The following CDS2 variants were observed in gnomAD, a reference collection of about 807,000 sequenced individuals.
CDS2 encodes the protein CDP-diacylglycerol synthase 2.
CDS2 carries 47 observed loss-of-function variants against 59.0 expected under a neutral mutation model. The ratio of observed to expected loss-of-function variants is 0.80; its 90% CI spans 0.63 to 1.02. The LOEUF is 1.02. Among genes scored for constraint, CDS2 ranks in the 50% least tolerant of loss-of-function variants. The pLI, the probability that CDS2 is intolerant of heterozygous loss-of-function variation, is 0.00. For missense variants in CDS2, 356 were observed against 558.9 expected (o/e 0.64, Z 3.66); for synonymous variants, 207 against 206.4 (o/e 1.00, Z -0.02).
chr20:5,130,295 T>G (rs2090593935), intron 1 of CDS2, among the ~76,000 whole-genome samples: 1 of 152,134 alleles, frequency 6.6e-6, no homozygotes, highest in African/African-American at 2.4e-5. Context: ...TTTTAAAAAA[T>G]CCTGATTTAT....
intron 1 of CDS2, among the ~76,000 whole-genome samples, chr20:5,145,471 T>C (rs959556209): frequency 2.0e-5 from 3 of 152,176 alleles, no homozygotes; most frequent in Non-Finnish European, 4.4e-5. Context: ...TTACAATCCC[T>C]AGTTCTTGCT....
chr20:5,153,272 A>G (rs1290332762), intron 1 of CDS2, among the ~76,000 whole-genome samples: 3 of 152,176 alleles, frequency 2.0e-5, no homozygotes, highest in African/African-American at 7.2e-5. Context: ...ACTTTTTATT[A>G]AAGTATAACA....
chr20:5,176,543 T>C, intron 3 of CDS2, 105 bp from the exon 4 acceptor site: 1 of 858,222 alleles, frequency 1.2e-6, no homozygotes, highest in South Asian at 1.4e-5. Context: ...AGGCCCGATA[T>C]TTTTCTTAAG....
intron 1 of CDS2, among the ~76,000 whole-genome samples, chr20:5,143,621 T>G (rs1402255277): frequency 1.3e-5 from 2 of 149,364 alleles, no homozygotes; most frequent in African/African-American, 5.0e-5. Flanking sequence ...TTTCTTCTTC[T>G]TCTTCTTCTT....
intron 1 of CDS2, among the ~76,000 whole-genome samples, chr20:5,155,749 A>G (rs2090828805): frequency 6.6e-6 from 1 of 152,212 alleles, no homozygotes; most frequent in Admixed American, 6.5e-5. Context: ...TAATATTCAC[A>G]GTTTCCAGGG....
intron 1 of CDS2, among the ~76,000 whole-genome samples, chr20:5,139,055 A>G (rs897400145): frequency 4.6e-5 from 7 of 152,224 alleles, no homozygotes; most frequent in African/African-American, 1.7e-4. Flanking sequence ...AAAAACAGAC[A>G]CACAGGCTGG....
chr20:5,134,827 A>G (rs903368803), intron 1 of CDS2, among the ~76,000 whole-genome samples: 1 of 152,176 alleles, frequency 6.6e-6, no homozygotes, highest in African/African-American at 2.4e-5. Flanking sequence ...AGCCGACTGC[A>G]TATTTAAATT....
At chr20:5,179,358 C>T (rs2091016959) in intron 5 of CDS2, among the ~76,000 whole-genome samples, 1 of 152,200 alleles carries the variant, frequency 6.6e-6, no homozygotes, top group South Asian at 2.1e-4. Flanking sequence ...CCGAGTTTAA[C>T]TTATCCGCCT....
At position 5,196,485 on chromosome 20, in the gene CDS2, A is replaced by C. The variant is rs1472108606; in HGVS notation, c.*6251A>C. On this transcript the variant is annotated 3_prime_UTR_variant, in exon 13 of 13. Transcript: ENST00000460006. The stretch of plus-strand genomic sequence containing the variant: ...GCAGCCCCCAGAGGACCTTGCCTGC[A>C]TAAAGCACTCAGAAGGGTTAGCCAC... The C allele has an allele frequency of 6.6e-6, 1 of 152,254 alleles. No homozygotes were observed. Among genetic ancestry groups the C allele is most frequent in the East Asian group, 1.9e-4 (1 of 5,188 alleles). The allele number at this position is 152,254 out of a possible 1,614,324, so 9.4% of individuals were successfully genotyped here.
Position 5,195,182 on chromosome 20 carries a change from C to T in CDS2, c.*4948C>T, listed in dbSNP as rs1490749430. 6.6e-6 allele frequency: 1 copy of T among 152,150 alleles called. No homozygotes were observed. The highest frequency in any genetic ancestry group is 2.4e-5 in the African/African-American group (1 of 41,390). 9.4% of individuals were successfully genotyped at this position (152,150 alleles called of 1,614,324 possible). ...TAAGCATTTAGTACCATGCCTGGCACATAGTAAGCACTCAATAAATGGTAG... is the reference window on the plus strand; with the variant it reads ...TAAGCATTTAGTACCATGCCTGGCATATAGTAAGCACTCAATAAATGGTAG... On this transcript the variant is annotated 3_prime_UTR_variant, in exon 13 of 13. Coordinates refer to ENST00000460006, the MANE Select transcript of CDS2 (RefSeq NM_003818.4).
chr20:5,169,683 AAAG>A (rs2090940706), intron 1 of CDS2, among the ~76,000 whole-genome samples: 1 of 152,210 alleles, frequency 6.6e-6, no homozygotes, highest in African/African-American at 2.4e-5. Flanking sequence ...ATGGGAAAGA[AAAG>A]AAGAATGAGG....
chr20:5,160,977 T>C (rs2090872609), intron 1 of CDS2, among the ~76,000 whole-genome samples: 1 of 152,242 alleles, frequency 6.6e-6, no homozygotes, highest in African/African-American at 2.4e-5. Flanking sequence ...TTGCTTCTAC[T>C]TTTTTGTTTA....
rs777342920 is a variant in CDS2 at position 5,189,814 on chromosome 20, A to T, written c.1181A>T (p.Asn394Ile). 1 of 1,613,964 alleles carries T rather than the reference A, an allele frequency of 6.2e-7. No homozygotes were observed. Among genetic ancestry groups the T allele is most frequent in the South Asian group, 1.1e-5 (1 of 91,076 alleles). ...CAGTATCTGATGGCCACCTTTGTCA[A>T]TGTATACATCGCCAGTTTTATCAGG... ...DCQYLMATFV[N>I]VYIASFIRGP... Residue 394 changes from asparagine (N) to isoleucine (I), a missense_variant, in exon 12 of 13, where the codon AAT becomes ATT. Asn to Ile is a moderately radical substitution (Grantham distance 149). Transcript: ENST00000460006.
Position 5,189,841 on chromosome 20 carries a change from A to G in CDS2, c.1205+3A>G. 6.2e-7 allele frequency: 1 copy of G among 1,605,926 alleles called. No homozygotes were observed. Among genetic ancestry groups the G allele is most frequent in the Non-Finnish European group, 8.5e-7 (1 of 1,173,508 alleles). ...GTATACATCGCCAGTTTTATCAGGT[A>G]TAGTACCTTTCCATCTGAACCAAGT... On this transcript the variant is annotated splice_donor_region_variant and intron_variant, in intron 12 of 12. Transcript: ENST00000460006.
At chr20:5,179,088 T>A in intron 5 of CDS2, 132 bp downstream of exon 5, 1 of 787,484 alleles carries the variant, frequency 1.3e-6, no homozygotes. Flanking sequence ...GGAGCAGAGC[T>A]GATGCTCTAT....
intron 1 of CDS2, among the ~76,000 whole-genome samples, chr20:5,143,164 A>G (rs1369865414): frequency 6.6e-6 from 1 of 152,146 alleles, no homozygotes; most frequent in Non-Finnish European, 1.5e-5. Flanking sequence ...ACTTCAGATG[A>G]TCAATAAACA....
chr20:5,148,366 G>A, intron 1 of CDS2, among the ~76,000 whole-genome samples: 1 of 152,126 alleles, frequency 6.6e-6, no homozygotes, highest in Non-Finnish European at 1.5e-5. Context: ...AAATGAATGG[G>A]TCACTAATGC....
intron 1 of CDS2, among the ~76,000 whole-genome samples, chr20:5,170,073 G>T (rs181569831): frequency 2.0e-5 from 3 of 152,192 alleles, no homozygotes; most frequent in African/African-American, 4.8e-5. Context: ...CATCGGGGTC[G>T]CATTGGTCAT....
At position 5,145,236 on chromosome 20, in the gene CDS2, A is replaced by ACCCC. The variant is rs796723724; in HGVS notation, c.57+18095_57+18098dup. On this transcript the variant is annotated intron_variant, in intron 1 of 12. Coordinates refer to ENST00000460006, the MANE Select transcript of CDS2 (RefSeq NM_003818.4). Reference sequence around the variant, plus strand: ...TAGGGCGAATGGGTAGAAAGGAAAGACCCCCCCCCCCGCCCCCGCCACCAA... The same window carrying ACCCC: ...TAGGGCGAATGGGTAGAAAGGAAAGACCCCCCCCCCCCCCCGCCCCCGCCACCAA... 2.8e-3 allele frequency among the ~76,000 whole-genome samples: 144 copies of ACCCC among 51,976 alleles called. 2 individuals carry two copies. Among genetic ancestry groups the ACCCC allele is most frequent in the South Asian group, 0.01 (9 of 886 alleles). The allele number at this position is 51,976 out of a possible 152,430, so 34.1% of individuals were successfully genotyped here. A position where few individuals can be genotyped will look rare whatever the true frequency, so the allele number is the denominator to read the frequency against.
Sources: gnomAD v4.1 joint callset for allele counts (sites outside exome capture counted in the v4.1 genomes callset) on GRCh38, gnomAD v4.1.1 for gene constraint, MANE v1.5 for transcripts, NCBI Gene and HGNC (gene_info 2026-07-23, HGNC 2026-07-21) for gene names.